Variants in NECAB2 observed in about 807,000 individuals in gnomAD.
NECAB2 encodes the protein N-terminal EF-hand calcium binding protein 2.
NECAB2 carries 68 observed loss-of-function variants against 51.9 expected under a neutral mutation model. The observed-to-expected ratio is 1.31, with a 90% CI of 1.08 to 1.60. The LOEUF (loss-of-function observed/expected upper bound fraction) is 1.60. Among genes scored for constraint, NECAB2 ranks in the 40% most tolerant of loss-of-function variants. The probability of loss-of-function intolerance (pLI) is 0.00; values close to 1 mark genes in which losing one functional copy is unlikely to be tolerated. For missense variants in NECAB2, 854 were observed against 490.3 expected (o/e 1.74, Z -7.00); for synonymous variants, 329 against 203.5 (o/e 1.62, Z -5.25).
upstream of NECAB2, chr16:83,965,880 G>C (rs1469681213): frequency 6.2e-7 from 1 of 1,612,886 alleles, no homozygotes; most frequent in Non-Finnish European, 8.5e-7. Context: ...ACCTACCAGA[G>C]CACCCGCCAG....
rs1296077918 is a variant in NECAB2 at position 83,990,435 on chromosome 16, C to G, written c.460-59C>G. 3.1e-6 allele frequency: 5 copies of G among 1,595,614 alleles called. No individual in the cohort carries two copies. The South Asian group carries it at 3.4e-5, about 11-fold the overall frequency. On this transcript the variant is annotated intron_variant, in intron 5 of 12. Coordinates refer to ENST00000305202, the MANE Select transcript of NECAB2 (RefSeq NM_019065.3). ...TTTCCCCCAACTCCTGTGCTAGACC[C>G]CACCTCCAATTTCCCTCCCACCCCT...
intron 5 of NECAB2, among the ~76,000 whole-genome samples, chr16:83,981,626 A>C (rs964595765): frequency 2.0e-5 from 3 of 152,110 alleles, no homozygotes; most frequent in African/African-American, 7.2e-5. Context: ...AGGCTCACAA[A>C]GGTGAACTCA....
chr16:83,979,696 G>T (rs2084459960), intron 3 of NECAB2, among the ~76,000 whole-genome samples: 1 of 151,856 alleles, frequency 6.6e-6, no homozygotes, highest in African/African-American at 2.4e-5. Context: ...GGGGGTGGAG[G>T]CGGAGGGAGG....
Position 84,002,420 on chromosome 16 carries a change from C to T in NECAB2, c.*74C>T, listed in dbSNP as rs1423821932. 4 of 1,535,900 alleles carry T rather than the reference C, an allele frequency of 2.6e-6. No individual in the cohort carries two copies. Among genetic ancestry groups the T allele is most frequent in the African/African-American group, 2.7e-5 (2 of 72,814 alleles). On this transcript the variant is annotated 3_prime_UTR_variant, in exon 13 of 13. Coordinates refer to ENST00000305202, the MANE Select transcript of NECAB2 (RefSeq NM_019065.3). ...GAAGGAAATCCCGTTTTTTTCTAGA[C>T]AGACACTTTGGTGCAGAAGCTTCTT...
At chr16:83,990,399 C>G (rs904627085) in intron 5 of NECAB2, 95 bp from the exon 6 acceptor site, 52 of 1,498,802 alleles carry the variant, frequency 3.5e-5, no homozygotes, top group Non-Finnish European at 4.3e-5. Context: ...AGCAAATTCA[C>G]CAGCACCAGC....
At chr16:83,991,733 C>G (rs1021822774) in intron 6 of NECAB2, among the ~76,000 whole-genome samples, 2 of 151,812 alleles carry the variant, frequency 1.3e-5, no homozygotes, top group South Asian at 2.1e-4. Context: ...ACTGCAATCT[C>G]CAACTCAGGT....
intron 8 of NECAB2, among the ~76,000 whole-genome samples, chr16:83,995,325 A>G (rs773221459): frequency 6.6e-6 from 1 of 152,172 alleles, no homozygotes; most frequent in East Asian, 1.9e-4. Flanking sequence ...GTGCCACTTC[A>G]TAGCTGTGTG....
intron 1 of NECAB2, 135 bp downstream of exon 1, chr16:83,968,984 C>T (rs2084320109): frequency 4.7e-6 from 2 of 427,068 alleles, no homozygotes; most frequent in Non-Finnish European, 6.5e-6. Flanking sequence ...GGCCCCTCCG[C>T]GTGCCGGAGC....
chr16:83,969,300 C>G (rs1033640806), intron 1 of NECAB2, among the ~76,000 whole-genome samples: 1 of 152,122 alleles, frequency 6.6e-6, no homozygotes. Context: ...TAGCCCACCT[C>G]TCTTCGCCCT....
intron 1 of NECAB2, among the ~76,000 whole-genome samples, chr16:83,970,317 C>A (rs1030793542): frequency 3.3e-5 from 5 of 152,172 alleles, no homozygotes; most frequent in African/African-American, 1.2e-4. Context: ...CCGGCACCTA[C>A]CTGGTGCCTG....
intron 2 of NECAB2, among the ~76,000 whole-genome samples, chr16:83,973,234 G>T (rs1278311413): frequency 6.6e-6 from 1 of 152,222 alleles, no homozygotes; most frequent in South Asian, 2.1e-4. Flanking sequence ...TTCCTCTCCT[G>T]CACAAGCTGC....
intron 10 of NECAB2, among the ~76,000 whole-genome samples, chr16:83,999,363 T>G (rs1435916505): frequency 2.6e-5 from 4 of 152,110 alleles, no homozygotes; most frequent in Non-Finnish European, 5.9e-5. Context: ...AGTGGGAGGC[T>G]CCAGGGTGAA....
upstream of NECAB2, among the ~76,000 whole-genome samples, chr16:83,966,981 C>T (rs573578780): frequency 4.6e-5 from 7 of 152,128 alleles, no homozygotes; most frequent in Admixed American, 3.9e-4. Flanking sequence ...AAATGATTCT[C>T]CTGTCTCAGC....
chr16:83,965,649 G>A (rs1262294469), upstream of NECAB2: 10 of 1,613,270 alleles, frequency 6.2e-6, no homozygotes, highest in Admixed American at 1.7e-5. Flanking sequence ...GAGGGTTACC[G>A]CAGCCTCCCC....
rs557940561 is a variant in NECAB2 at position 84,002,550 on chromosome 16, G to A, written c.*204G>A. ...AGCAGTGTCTGTGCTGCCAGGTCCTGGTGAAGCCCAAGGTTGAAGGGGGCG... is the reference window on the plus strand; with the variant it reads ...AGCAGTGTCTGTGCTGCCAGGTCCTAGTGAAGCCCAAGGTTGAAGGGGGCG... On this transcript the variant is annotated 3_prime_UTR_variant, in exon 13 of 13. Coordinates refer to ENST00000305202, the MANE Select transcript of NECAB2 (RefSeq NM_019065.3). 9 of 669,496 alleles carry A rather than the reference G, an allele frequency of 1.3e-5. No homozygotes were observed. The highest frequency in any genetic ancestry group is 1.3e-4 in the African/African-American group (7 of 54,960). The allele number at this position is 669,496 out of a possible 1,614,324, so 41.5% of individuals were successfully genotyped here. A position where few individuals can be genotyped will look rare whatever the true frequency, so the allele number is the denominator to read the frequency against.
At chr16:83,978,305 C>G (rs1597201884) in intron 2 of NECAB2, 139 bp from the exon 3 acceptor site, 1 of 644,662 alleles carries the variant, frequency 1.6e-6, no homozygotes, top group East Asian at 2.7e-5. Context: ...TGGGGATTAG[C>G]TGGGAGGGTA....
At chr16:83,972,743 A>G (rs141384984) in intron 2 of NECAB2, among the ~76,000 whole-genome samples, 1 of 152,246 alleles carries the variant, frequency 6.6e-6, no homozygotes, top group African/African-American at 2.4e-5. Flanking sequence ...CAGCCTCTTT[A>G]AAAATGTGAG....
At chr16:83,991,252 G>C (rs1050363422) in intron 6 of NECAB2, among the ~76,000 whole-genome samples, 8 of 151,896 alleles carry the variant, frequency 5.3e-5, no homozygotes, top group African/African-American at 1.9e-4. Context: ...CAAAGTGCTG[G>C]GATGAAAGGT....
At position 83,997,195 on chromosome 16, in the gene NECAB2, C is replaced by T. The variant is rs777754040; in HGVS notation, c.796-21C>T. 8 of 1,614,004 alleles carry T rather than the reference C, an allele frequency of 5.0e-6. No homozygotes were observed. In the Admixed American group the frequency reaches 8.3e-5, roughly 17 times the overall value. On this transcript the variant is annotated intron_variant, in intron 8 of 12. Coordinates refer to ENST00000305202, the MANE Select transcript of NECAB2 (RefSeq NM_019065.3). ...GAGTGGGGCTCTGGGTCTAGCATCA[C>T]TGTGTGCTGGATTGTTTCAGGCACT...
Sources: allele counts gnomAD v4.1 joint callset (sites outside exome capture counted in the v4.1 genomes callset), GRCh38; gene constraint gnomAD v4.1.1; transcripts MANE v1.5; gene names NCBI Gene and HGNC (gene_info 2026-07-23, HGNC 2026-07-21).